The following AMZ1 variants were observed in gnomAD, a reference collection of about 807,000 sequenced individuals.
The protein encoded by AMZ1 is archaelysin family metallopeptidase 1.
Under a neutral mutation model 29.9 loss-of-function variants are expected in AMZ1, and 39 were observed. The ratio of observed to expected loss-of-function variants is 1.30; its 90% confidence interval spans 1.01 to 1.70. AMZ1 has a LOEUF of 1.70. Among genes scored for constraint, AMZ1 ranks in the 40% most tolerant of loss-of-function variants. The pLI is 0.00. For missense variants in AMZ1, 1,041 were observed against 680.6 expected (o/e 1.53, Z -5.89); for synonymous variants, 458 against 304.0 (o/e 1.51, Z -5.27).
Position 2,731,854 on chromosome 7 carries a change from T to C in AMZ1, n.550+22038T>C, listed in dbSNP as rs1789913570. ...AGATAAGAAGGAAAGAGACTGACTT[T>C]TGCAACAGGTTGAACCAGAAACCAA... On this transcript the variant is annotated intron_variant and non_coding_transcript_variant, in intron 4 of 4. Transcript: ENST00000489665. The surrounding 1 kb of genome is among the most constrained non-coding windows in gnomAD (Gnocchi z 6.0). 6 of 605,798 alleles carry C rather than the reference T, an allele frequency of 9.9e-6. No individual in the cohort carries two copies. The South Asian group carries it at 1.9e-4, about 20-fold the overall frequency. The allele number at this position is 605,798 out of a possible 1,614,324, so 37.5% of individuals were successfully genotyped here. A position where few individuals can be genotyped will look rare whatever the true frequency, so the allele number is the denominator to read the frequency against.
At chr7:2,728,929 CGCCG>C (rs1236210987) in intron 4 of AMZ1, 2 of 152,384 alleles carry the variant, frequency 1.3e-5, no homozygotes, top group Admixed American at 6.5e-5. Context: ...CAAGAGCCCG[CGCCG>C]GGGGCCATCC....
rs66846250 is a variant in AMZ1, at chr7:2,719,024, TCCCC to T, written c.*6150_*6153del. 7.0e-5 allele frequency among the ~76,000 whole-genome samples: 10 copies of T among 142,288 alleles called. No individual in the cohort carries two copies. The highest frequency in any genetic ancestry group is 7.9e-5 in the African/African-American group (3 of 38,182). 93.3% of individuals were successfully genotyped at this position (142,288 alleles called of 152,430 possible). A position where few individuals can be genotyped will look rare whatever the true frequency, so the allele number is the denominator to read the frequency against. On this transcript the variant is annotated 3_prime_UTR_variant, in exon 7 of 7. Coordinates refer to ENST00000683327, the MANE Select transcript of AMZ1 (RefSeq NM_001384743.1). ...AACAGGCGACTTTTTTTTTTTTTTT[TCCCC>T]CCCATCTGAAGTGAGATCAAACTTC...
At chr7:2,682,140 C>G (rs780007972) in intron 1 of AMZ1, among the ~76,000 whole-genome samples, 5 of 152,236 alleles carry the variant, frequency 3.3e-5, no homozygotes, top group Non-Finnish European at 5.9e-5. Flanking sequence ...GGCGGCCTCA[C>G]AGGCTGGGCA....
At position 2,718,799 on chromosome 7, in the gene AMZ1, T is replaced by TC. The variant is rs1789282464; in HGVS notation, c.*5923dup. On this transcript the variant is annotated 3_prime_UTR_variant, in exon 7 of 7. Transcript: ENST00000683327. ...GAGCTGCGTCCGGCTCTCAGGGACT[T>TC]CCTCTCCCTGTGCTCTGCCCACCTG... Among the ~76,000 whole-genome samples the TC allele has an allele frequency of 1.3e-5, 2 of 152,222 alleles. No individual in the cohort carries two copies. Among genetic ancestry groups the TC allele is most frequent in the South Asian group, 4.1e-4 (2 of 4,830 alleles).
rs775574039 is a variant in AMZ1 at position 2,709,745 on chromosome 7, C to T, written c.877C>T (p.Leu293=). The change falls in exon 6 of 7, where the codon CTG becomes TTG. Residue 293 remains leucine, a synonymous_variant. Transcript: ENST00000683327. The stretch of plus-strand genomic sequence containing the variant: ...CCTGGACGAGGCCCTGCGGCGGCCC[C>T]TGGACCTCTGTCCCATCTGCCTGAG... ...LSLDEALRRP[L]DLCPICLRKL... is the part of the protein sequence containing the mutation. 5.6e-6 allele frequency: 9 copies of T among 1,611,502 alleles called. No homozygotes were observed. The highest frequency in any genetic ancestry group is 3.3e-5 in the Admixed American group (2 of 59,976).
chr7:2,690,512 C>G (rs373948036), intron 1 of AMZ1, among the ~76,000 whole-genome samples: 1 of 152,340 alleles, frequency 6.6e-6, no homozygotes, highest in East Asian at 1.9e-4. Context: ...TCCTGTTGAT[C>G]TTCCAGCCGG....
downstream of AMZ1, among the ~76,000 whole-genome samples, chr7:2,721,297 G>C (rs75762045): frequency 7.4e-3 from 1,125 of 152,354 alleles, 9 homozygotes; most frequent in African/African-American, 0.025. Flanking sequence ...GCGCACCGCA[G>C]ATGTGTGGAA....
At chr7:2,689,876 G>A (rs757000352) in intron 1 of AMZ1, among the ~76,000 whole-genome samples, 7 of 152,306 alleles carry the variant, frequency 4.6e-5, no homozygotes, top group Non-Finnish European at 1.0e-4. Flanking sequence ...CCACTAAGGC[G>A]GCTCCCTCCC....
chr7:2,743,459 T>A (rs569456410), intron 4 of AMZ1, among the ~76,000 whole-genome samples: 42 of 152,314 alleles, frequency 2.8e-4, no homozygotes, highest in African/African-American at 9.1e-4. Context: ...TGGGATGGCT[T>A]GACACAGACT....
rs1337696932 is a variant in AMZ1 at position 2,714,283 on chromosome 7, A to G, written c.*1405A>G. The G allele has an allele frequency of 1.3e-5, 2 of 152,314 alleles. No individual in the cohort carries two copies. The highest frequency in any genetic ancestry group is 1.3e-4 in the Admixed American group (2 of 15,276). The allele number at this position is 152,314 out of a possible 1,614,324, so 9.4% of individuals were successfully genotyped here. On this transcript the variant is annotated 3_prime_UTR_variant, in exon 7 of 7. Transcript: ENST00000683327. ...ACGGTTATGGAGGGCTTCTAAGAAA[A>G]ACAAAATACAAAACTAAAACTAGAA... is the stretch of plus-strand genomic sequence containing the variant.
In AMZ1 at chr7:2,715,366, C is replaced by T. The variant is rs1426824248; in HGVS notation, c.*2488C>T. The T allele has an allele frequency of 5.9e-5, 9 of 152,350 alleles. No individual in the cohort carries two copies. The highest frequency in any genetic ancestry group is 1.9e-4 in the East Asian group (1 of 5,342). The allele number at this position is 152,350 out of a possible 1,614,324, so 9.4% of individuals were successfully genotyped here. A position where few individuals can be genotyped will look rare whatever the true frequency, so the allele number is the denominator to read the frequency against. ...CTGCGAGGTGGCCTGACCTGTTTTCCGATTTCCTTCATCTTCTGCAAAAGG... is the reference window on the plus strand; with the variant it reads ...CTGCGAGGTGGCCTGACCTGTTTTCTGATTTCCTTCATCTTCTGCAAAAGG... On this transcript the variant is annotated 3_prime_UTR_variant, in exon 7 of 7. Transcript: ENST00000683327.
At chr7:2,744,711 A>T (rs1439676778) in intron 4 of AMZ1, among the ~76,000 whole-genome samples, 2 of 152,216 alleles carry the variant, frequency 1.3e-5, no homozygotes, top group African/African-American at 2.4e-5. Context: ...TCAGACAATC[A>T]AACTACTCTG....
chr7:2,753,620 A>C (rs1335521885), intron 4 of AMZ1, among the ~76,000 whole-genome samples: 1 of 152,144 alleles, frequency 6.6e-6, no homozygotes, highest in Non-Finnish European at 1.5e-5. Flanking sequence ...TCTGTATTTT[A>C]GCTATTACAC....
At chr7:2,757,515 T>A (rs1791360684) in intron 4 of AMZ1, among the ~76,000 whole-genome samples, 1 of 152,100 alleles carries the variant, frequency 6.6e-6, no homozygotes, top group African/African-American at 2.4e-5. Flanking sequence ...CCAGTACCAG[T>A]GAGCTTGAAA....
intron 4 of AMZ1, 139 bp downstream of exon 4, chr7:2,708,855 GGCC>G: frequency 7.2e-7 from 1 of 1,391,234 alleles, no homozygotes; most frequent in Non-Finnish European, 9.8e-7. Flanking sequence ...GGGAATAGAT[GGCC>G]CCTTCCAGCT....
At chr7:2,742,515 C>T (rs970430842) in intron 4 of AMZ1, among the ~76,000 whole-genome samples, 32 of 152,186 alleles carry the variant, frequency 2.1e-4, no homozygotes, top group Non-Finnish European at 2.9e-4. Flanking sequence ...GACTCACAGA[C>T]GCTGTCATTT....
At chr7:2,727,232 C>A (rs1789658533) in intron 4 of AMZ1, among the ~76,000 whole-genome samples, 1 of 152,172 alleles carries the variant, frequency 6.6e-6, no homozygotes, top group South Asian at 2.1e-4. Flanking sequence ...CAGGCGCCCA[C>A]CACCACACCC....
upstream of AMZ1, chr7:2,763,213 CA>C: frequency 2.3e-6 from 1 of 434,888 alleles, no homozygotes; most frequent in Non-Finnish European, 3.3e-6. Context: ...CACACACACA[CA>C]CACACACACA....
At chr7:2,733,323 T>C in intron 4 of AMZ1, 1 of 747,852 alleles carries the variant, frequency 1.3e-6, no homozygotes, top group Non-Finnish European at 2.4e-6. Flanking sequence ...GTACTATTCG[T>C]GGTAATGTGA....
Sources: gnomAD v4.1 joint callset for allele counts (sites outside exome capture counted in the v4.1 genomes callset) on GRCh38, gnomAD v4.1.1 for gene constraint, Gnocchi (gnomAD v3.1) non-coding constraint, MANE v1.5 for transcripts, NCBI Gene and HGNC (gene_info 2026-07-23, HGNC 2026-07-21) for gene names.